The following PRKG1 variants were observed in gnomAD, a reference collection of about 807,000 sequenced individuals.
The protein encoded by PRKG1 is cGMP-dependent protein kinase 1.
Under a neutral mutation model 88.1 loss-of-function variants are expected in PRKG1, and 35 were observed. That is an observed-to-expected ratio of 0.40 (90% CI 0.30 to 0.53). PRKG1 has a LOEUF of 0.53. Among genes scored for constraint, PRKG1 ranks in the 20% least tolerant of loss-of-function variants. The pLI is 0.59. For synonymous variants in PRKG1, 303 were observed against 292.5 expected (o/e 1.04, Z -0.37); for missense variants, 540 against 839.8 (o/e 0.64, Z 4.41).
At chr10:51,125,000 G>A (rs1405226829) in intron 1 of PRKG1, among the ~76,000 whole-genome samples, 6 of 152,152 alleles carry the variant, frequency 3.9e-5, no homozygotes, top group Non-Finnish European at 8.8e-5. Context: ...AGTCAACTTA[G>A]ACATTCTCCA....
At chr10:51,349,685 T>C (rs1344636443) in intron 2 of PRKG1, among the ~76,000 whole-genome samples, 2 of 152,054 alleles carry the variant, frequency 1.3e-5, no homozygotes, top group Non-Finnish European at 2.9e-5. Context: ...TTTTGTATTT[T>C]TAGTAGAGAC....
At chr10:52,096,930 C>T (rs547283671) in intron 7 of PRKG1, among the ~76,000 whole-genome samples, 1 of 152,170 alleles carries the variant, frequency 6.6e-6, no homozygotes, top group East Asian at 1.9e-4. Flanking sequence ...TGGCTGCTTG[C>T]TCTGGGCTGG....
chr10:51,824,988 TTGG>T (rs1438847104), intron 4 of PRKG1, among the ~76,000 whole-genome samples: 1 of 152,154 alleles, frequency 6.6e-6, no homozygotes, highest in African/African-American at 2.4e-5. Context: ...CAGTTATAAT[TTGG>T]ATAAAAAATA....
intron 2 of PRKG1, among the ~76,000 whole-genome samples, chr10:51,284,348 C>A (rs148277510): frequency 6.6e-6 from 1 of 152,168 alleles, no homozygotes; most frequent in African/African-American, 2.4e-5. Flanking sequence ...CCCCACTTTA[C>A]GTACTAGGAA....
intron 1 of PRKG1, among the ~76,000 whole-genome samples, chr10:51,092,967 T>G (rs1259215886): frequency 1.3e-5 from 2 of 152,196 alleles, no homozygotes; most frequent in Non-Finnish European, 2.9e-5. Flanking sequence ...TGTATACACA[T>G]AAACAAAGGA....
At chr10:51,272,957 G>A (rs1384490598) in intron 2 of PRKG1, among the ~76,000 whole-genome samples, 1 of 152,212 alleles carries the variant, frequency 6.6e-6, no homozygotes, top group African/African-American at 2.4e-5. Flanking sequence ...TAAGCTGAAA[G>A]TAGCCATATC....
upstream of PRKG1, among the ~76,000 whole-genome samples, chr10:51,071,169 C>G: frequency 6.6e-6 from 1 of 152,142 alleles, no homozygotes; most frequent in Non-Finnish European, 1.5e-5. Flanking sequence ...TTTGATTTTT[C>G]ACATAGGGTT....
chr10:51,644,363 G>T (rs1419336568), intron 3 of PRKG1, among the ~76,000 whole-genome samples: 1 of 152,010 alleles, frequency 6.6e-6, no homozygotes, highest in Non-Finnish European at 1.5e-5. Context: ...TTTTTGTGAT[G>T]CAGTTCACGC....
At chr10:51,283,920 A>T (rs1172865615) in intron 2 of PRKG1, among the ~76,000 whole-genome samples, 2 of 152,198 alleles carry the variant, frequency 1.3e-5, no homozygotes. Context: ...GATTTTAAGT[A>T]GTCAATAAAG....
chr10:51,343,820 C>T (rs1477163840), intron 2 of PRKG1, among the ~76,000 whole-genome samples: 2 of 152,092 alleles, frequency 1.3e-5, no homozygotes, highest in East Asian at 1.9e-4. Context: ...AGAGCCAAAT[C>T]GAAGCTCAGG....
chr10:51,875,862 T>C (rs1294305915), intron 4 of PRKG1, among the ~76,000 whole-genome samples: 1 of 152,136 alleles, frequency 6.6e-6, no homozygotes, highest in Non-Finnish European at 1.5e-5. Context: ...ACGTATCCAG[T>C]ACAAATTTTT....
intron 2 of PRKG1, among the ~76,000 whole-genome samples, chr10:51,262,335 C>T (rs1199047633): frequency 6.6e-6 from 1 of 152,054 alleles, no homozygotes; most frequent in Non-Finnish European, 1.5e-5. Flanking sequence ...ACATGTGACC[C>T]GAGGATCACC....
intron 5 of PRKG1, among the ~76,000 whole-genome samples, chr10:51,978,312 G>A (rs1182312185): frequency 6.6e-6 from 1 of 151,826 alleles, no homozygotes; most frequent in Non-Finnish European, 1.5e-5. Flanking sequence ...CCATTTCACT[G>A]GTTTATGTGT....
intron 14 of PRKG1, among the ~76,000 whole-genome samples, chr10:52,282,887 C>T (rs746599605): frequency 1.3e-4 from 20 of 152,014 alleles, no homozygotes; most frequent in African/African-American, 1.9e-4. Flanking sequence ...GGTGTTATGA[C>T]CTACAGATTT....
intron 3 of PRKG1, among the ~76,000 whole-genome samples, chr10:51,693,879 A>G (rs963394853): frequency 6.6e-6 from 1 of 152,200 alleles, no homozygotes; most frequent in Non-Finnish European, 1.5e-5. Flanking sequence ...CAGGGTGCAT[A>G]AAAACAAACG....
At chr10:51,663,763 T>C (rs750786791) in intron 3 of PRKG1, among the ~76,000 whole-genome samples, 1 of 149,686 alleles carries the variant, frequency 6.7e-6, no homozygotes, top group Non-Finnish European at 1.5e-5. Flanking sequence ...TCTTCTTAGA[T>C]ATAGCAATGG....
At chr10:51,324,636 G>A (rs1303791260) in intron 2 of PRKG1, among the ~76,000 whole-genome samples, 1 of 151,956 alleles carries the variant, frequency 6.6e-6, no homozygotes, top group Non-Finnish European at 1.5e-5. Context: ...AGCTACTCGG[G>A]AGGCTGAGGC....
intron 5 of PRKG1, among the ~76,000 whole-genome samples, chr10:51,993,038 G>A (rs1427930218): frequency 6.6e-6 from 1 of 152,044 alleles, no homozygotes; most frequent in South Asian, 2.1e-4. Context: ...ATTCTTTATA[G>A]TTGCCATCTG....
intron 3 of PRKG1, among the ~76,000 whole-genome samples, chr10:51,755,902 T>A (rs1188229095): frequency 6.6e-6 from 1 of 152,234 alleles, no homozygotes; most frequent in South Asian, 2.1e-4. Flanking sequence ...GAAATTCTTA[T>A]GACATAAGAA....
Sources: allele counts gnomAD v4.1 joint callset (sites outside exome capture counted in the v4.1 genomes callset), GRCh38; gene constraint gnomAD v4.1.1; transcripts MANE v1.5; gene names NCBI Gene and HGNC (gene_info 2026-07-23, HGNC 2026-07-21).